Variants in ST8SIA5 observed in about 807,000 individuals in gnomAD.
ST8SIA5 encodes the protein ST8 alpha-N-acetyl-neuraminide alpha-2,8-sialyltransferase 5, also known as alpha-2,8-sialyltransferase 8E.
Under a neutral mutation model 40.2 loss-of-function variants are expected in ST8SIA5, and 24 were observed. That is an observed-to-expected ratio of 0.60 (90% CI 0.43 to 0.84). The LOEUF is 0.84. ST8SIA5 is among the 40% of genes least tolerant of loss of function. The pLI is 0.00. For missense variants in ST8SIA5, 465 were observed against 498.5 expected (o/e 0.93, Z 0.64); for synonymous variants, 198 against 201.8 (o/e 0.98, Z 0.16).
intron 1 of ST8SIA5, among the ~76,000 whole-genome samples, chr18:46,733,742 C>A (rs1484926184): frequency 6.6e-6 from 1 of 152,084 alleles, no homozygotes; most frequent in East Asian, 1.9e-4. Flanking sequence ...GGTGGATGCG[C>A]TAGGTGAGGA....
At chr18:46,706,474 G>C (rs2155986) in intron 1 of ST8SIA5, among the ~76,000 whole-genome samples, 23,803 of 152,112 alleles carry the variant, frequency 0.16, 1,999 homozygotes, top group South Asian at 0.23. Context: ...TATTGGGTTG[G>C]TACAAAAGCA....
In ST8SIA5 at chr18:46,756,553, C is replaced by T. The variant is rs777805105; in HGVS notation, c.-45G>A. On this transcript the variant is annotated 5_prime_UTR_variant, in exon 1 of 7. Transcript: ENST00000315087. Reference sequence around the variant, plus strand: ...GGGCGCGGGGTACGGGGCGGCCAGGCAATGACTCGCGGGGTTCCGGGGCCC... The same window carrying T: ...GGGCGCGGGGTACGGGGCGGCCAGGTAATGACTCGCGGGGTTCCGGGGCCC... 1 of 1,603,540 alleles carries T rather than the reference C, an allele frequency of 6.2e-7. No individual in the cohort carries two copies. Among genetic ancestry groups the T allele is most frequent in the Non-Finnish European group, 8.5e-7 (1 of 1,174,624 alleles).
chr18:46,737,361 T>C (rs2040045117), intron 1 of ST8SIA5, among the ~76,000 whole-genome samples: 4 of 152,222 alleles, frequency 2.6e-5, no homozygotes, highest in Admixed American at 2.0e-4. Context: ...TAATTTTTCA[T>C]GTTTGTCTCT....
At chr18:46,685,506 G>A (rs371281272) in intron 5 of ST8SIA5, among the ~76,000 whole-genome samples, 35 of 152,232 alleles carry the variant, frequency 2.3e-4, no homozygotes, top group East Asian at 1.4e-3. Context: ...CCAAGAACCC[G>A]AAATATGCAG....
rs865971398 is a variant in ST8SIA5 at position 46,756,700 on chromosome 18, G to A, written c.-192C>T. On this transcript the variant is annotated 5_prime_UTR_variant, in exon 1 of 7. Coordinates refer to ENST00000315087, the MANE Select transcript of ST8SIA5 (RefSeq NM_013305.6). ...GGCATCCAAGCGTCGCAGGCGCTGG[G>A]GCGGCAAGCAGGACAGGGCCGGTGG... 70 of 636,018 alleles carry A rather than the reference G, an allele frequency of 1.1e-4. No individual in the cohort carries two copies. In the African/African-American group the frequency reaches 1.2e-3, roughly 11 times the overall value. 39.4% of individuals were successfully genotyped at this position (636,018 alleles called of 1,614,324 possible). A position where few individuals can be genotyped will look rare whatever the true frequency, so the allele number is the denominator to read the frequency against.
intron 1 of ST8SIA5, among the ~76,000 whole-genome samples, chr18:46,716,055 C>G (rs2039785540): frequency 6.6e-6 from 1 of 151,584 alleles, no homozygotes; most frequent in African/African-American, 2.4e-5. Flanking sequence ...TCTAACCCCT[C>G]CCATGAGTGC....
intron 1 of ST8SIA5, among the ~76,000 whole-genome samples, chr18:46,718,451 T>G (rs1042130139): frequency 7.0e-6 from 1 of 143,608 alleles, no homozygotes; most frequent in Non-Finnish European, 1.5e-5. Flanking sequence ...TATATGTCAA[T>G]GTATATCTTA....
At chr18:46,724,330 G>A (rs1354077457) in intron 1 of ST8SIA5, among the ~76,000 whole-genome samples, 1 of 152,246 alleles carries the variant, frequency 6.6e-6, no homozygotes, top group Non-Finnish European at 1.5e-5. Flanking sequence ...ATGCTTTGCT[G>A]AGTAACAGTA....
rs1178885187 is a variant in ST8SIA5, at chr18:46,673,618, T to C, written c.*6424A>G. The C allele has an allele frequency of 6.6e-6, 1 of 152,068 alleles. No homozygotes were observed. The highest frequency in any genetic ancestry group is 2.0e-4 in the East Asian group (1 of 5,122). The allele number at this position is 152,068 out of a possible 1,614,324, so 9.4% of individuals were successfully genotyped here. A position where few individuals can be genotyped will look rare whatever the true frequency, so the allele number is the denominator to read the frequency against. On this transcript the variant is annotated 3_prime_UTR_variant, in exon 7 of 7. Transcript: ENST00000315087. ...TCTGATGCAGGCCATCAGAAGGCCA[T>C]CCTACAGGGCATCCTAATAAACCCA...
In ST8SIA5 at chr18:46,756,619, A is replaced by T. The variant is rs531615122; in HGVS notation, c.-111T>A. 1.5e-6 allele frequency: 2 copies of T among 1,327,602 alleles called. No individual in the cohort carries two copies. The highest frequency in any genetic ancestry group is 2.8e-5 in the Admixed American group (1 of 35,238). 82.2% of individuals were successfully genotyped at this position (1,327,602 alleles called of 1,614,324 possible). On this transcript the variant is annotated 5_prime_UTR_variant, in exon 1 of 7. The change abolishes the stop of an existing upstream ORF in the 5' untranslated region. Transcript: ENST00000315087. ...CGACTTGGCGCCTCACGGTGCGGTC[A>T]GGCAGGCGGGGGACTTCGAGGGGCA...
chr18:46,698,069 C>A (rs1472425747), intron 2 of ST8SIA5, among the ~76,000 whole-genome samples: 2 of 152,128 alleles, frequency 1.3e-5, no homozygotes, highest in Non-Finnish European at 2.9e-5. Context: ...ACCCACCACA[C>A]CAACAATCAA....
At chr18:46,717,849 T>TA (rs1274218258) in intron 1 of ST8SIA5, among the ~76,000 whole-genome samples, 2 of 152,086 alleles carry the variant, frequency 1.3e-5, no homozygotes, top group Admixed American at 6.6e-5. Context: ...TTTTTTTTTT[T>TA]ACACAATTCA....
At chr18:46,710,072 C>T (rs1349024410) in intron 1 of ST8SIA5, among the ~76,000 whole-genome samples, 1 of 152,180 alleles carries the variant, frequency 6.6e-6, no homozygotes, top group Non-Finnish European at 1.5e-5. Flanking sequence ...CACCCTGGCA[C>T]CATGTAGGGC....
intron 1 of ST8SIA5, among the ~76,000 whole-genome samples, chr18:46,724,369 ACAG>A (rs1265305781): frequency 1.3e-5 from 2 of 152,264 alleles, no homozygotes; most frequent in African/African-American, 4.8e-5. Context: ...TCCAGGCTCC[ACAG>A]CAGTGGGGAG....
At chr18:46,730,980 C>T (rs889787611) in intron 1 of ST8SIA5, among the ~76,000 whole-genome samples, 5 of 152,048 alleles carry the variant, frequency 3.3e-5, no homozygotes, top group Non-Finnish European at 5.9e-5. Flanking sequence ...CAACACCCTG[C>T]GTCTAAAAAA....
chr18:46,680,646 G>A (rs1447645866), intron 6 of ST8SIA5, 136 bp from the exon 7 acceptor site: 3 of 866,258 alleles, frequency 3.5e-6, no homozygotes, highest in East Asian at 5.3e-5. Flanking sequence ...GACACCTCAC[G>A]CACCTGTGCA....
chr18:46,710,490 C>CCCCTT (rs528845646), intron 1 of ST8SIA5, among the ~76,000 whole-genome samples: 30 of 144,254 alleles, frequency 2.1e-4, no homozygotes, highest in South Asian at 1.8e-3. Context: ...CCTTCCCCTT[C>CCCCTT]CCCTTCCCTT....
intron 5 of ST8SIA5, among the ~76,000 whole-genome samples, chr18:46,684,025 C>A (rs1037222811): frequency 6.6e-6 from 1 of 151,930 alleles, no homozygotes; most frequent in Non-Finnish European, 1.5e-5. Context: ...AGTCTCAGGG[C>A]ATCTTGGCGT....
At chr18:46,752,090 A>G (rs1027126119) in intron 1 of ST8SIA5, among the ~76,000 whole-genome samples, 15 of 152,176 alleles carry the variant, frequency 9.9e-5, no homozygotes, top group South Asian at 2.1e-4. Context: ...TGAGTCATGC[A>G]GATTCACTCA....
Sources: gnomAD v4.1 joint callset for allele counts (sites outside exome capture counted in the v4.1 genomes callset) on GRCh38, gnomAD v4.1.1 for gene constraint, MANE v1.5 for transcripts, NCBI Gene and HGNC (gene_info 2026-07-23, HGNC 2026-07-21) for gene names.